The following GRIA4 variants were observed in gnomAD, a reference collection of about 807,000 sequenced individuals.
GRIA4 encodes glutamate ionotropic receptor AMPA type subunit 4.
In GRIA4, 34 loss-of-function variants were observed where a neutral mutation model predicts 104.0. The observed-to-expected ratio is 0.33, with a 90% CI of 0.25 to 0.44. The LOEUF is 0.44. Ranked by LOEUF, GRIA4 falls within the 20% of genes least tolerant of loss-of-function variation. The probability of loss-of-function intolerance (pLI) is 1.00; values close to 1 mark genes in which losing one functional copy is unlikely to be tolerated. For synonymous variants in GRIA4, 386 were observed against 381.9 expected, an observed-to-expected ratio of 1.01 and a Z score of -0.13; for missense variants, 750 against 1,096.5, an observed-to-expected ratio of 0.68 and a Z score of 4.46.
chr11:105,801,790 G>T (rs1942732056), intron 4 of GRIA4, among the ~76,000 whole-genome samples: 2 of 152,216 alleles, frequency 1.3e-5, no homozygotes, highest in South Asian at 2.1e-4. Flanking sequence ...AAATGGAATT[G>T]AGTTCCTTGG....
chr11:105,824,901 G>A (rs533092122), intron 4 of GRIA4: 2 of 152,136 alleles, frequency 1.3e-5, no homozygotes, highest in African/African-American at 4.8e-5. Context: ...ATGCCTCTAG[G>A]GAGCAACGGT....
rs188718322 is a variant in GRIA4, at chr11:105,641,043, C to T, written c.247+28609C>T. Reference sequence around the variant, plus strand: ...CTATGTTTACAATCATGGAACATTGCTCTATAGCTATTAATGAGCACTTAT... The same window carrying T: ...CTATGTTTACAATCATGGAACATTGTTCTATAGCTATTAATGAGCACTTAT... On this transcript the variant is annotated intron_variant, in intron 3 of 16. Coordinates refer to ENST00000282499, the MANE Select transcript of GRIA4 (RefSeq NM_000829.4). Among the ~76,000 whole-genome samples, 253 of 152,068 alleles carry T rather than the reference C, an allele frequency of 1.7e-3. 3 individuals carry two copies. In the Middle Eastern group the frequency reaches 0.055, roughly 33 times the overall value.
At chr11:105,970,731 A>T (rs1433383278) in intron 14 of GRIA4, among the ~76,000 whole-genome samples, 1 of 152,170 alleles carries the variant, frequency 6.6e-6, no homozygotes, top group African/African-American at 2.4e-5. Context: ...GCATTAGGGG[A>T]TACAACCAGG....
At position 105,905,185 on chromosome 11, in the gene GRIA4, T is replaced by A. The variant is rs771778449; in HGVS notation, c.1054-12T>A. On this transcript the variant is annotated splice_polypyrimidine_tract_variant and intron_variant, in intron 8 of 16. Transcript: ENST00000282499. ...TTGCAAGTGAACACGTGTGGTTTTC[T>A]TTTTCACTTAGGTTCGAATTCAAGG... 1 of 1,504,192 alleles carries A rather than the reference T, an allele frequency of 6.6e-7. No individual in the cohort carries two copies. The highest frequency in any genetic ancestry group is 2.3e-5 in the East Asian group (1 of 44,326). 93.2% of individuals were successfully genotyped at this position (1,504,192 alleles called of 1,614,324 possible).
chr11:105,912,619 T>C (rs1947289183), intron 10 of GRIA4: 1 of 584,404 alleles, frequency 1.7e-6, no homozygotes, highest in Non-Finnish European at 2.1e-6. Flanking sequence ...ATTTTTGCTA[T>C]CAAAATAGTA....
intron 4 of GRIA4, among the ~76,000 whole-genome samples, chr11:105,837,183 C>A (rs188798957): frequency 6.6e-6 from 1 of 152,186 alleles, no homozygotes; most frequent in Admixed American, 6.5e-5. Flanking sequence ...AGGGAAACCA[C>A]CCCCATGATC....
chr11:105,947,955 T>C (rs759332785), intron 14 of GRIA4, among the ~76,000 whole-genome samples: 1 of 152,164 alleles, frequency 6.6e-6, no homozygotes, highest in African/African-American at 2.4e-5. Context: ...ATTTACAGAC[T>C]CATGGATTCA....
intron 10 of GRIA4, among the ~76,000 whole-genome samples, chr11:105,914,254 C>T (rs1332123516): frequency 6.6e-6 from 1 of 151,538 alleles, no homozygotes; most frequent in African/African-American, 2.4e-5. Context: ...ATAATAATAT[C>T]TTAATTTTCA....
chr11:105,767,359 T>C (rs1449875616), intron 4 of GRIA4, among the ~76,000 whole-genome samples: 1 of 152,186 alleles, frequency 6.6e-6, no homozygotes, highest in Non-Finnish European at 1.5e-5. Flanking sequence ...ACGTATGTTT[T>C]ATTTTAGCAT....
Position 105,903,946 on chromosome 11 carries a change from G to C in GRIA4, c.1018G>C (p.Gly340Arg). The C allele has an allele frequency of 6.2e-7, 1 of 1,613,064 alleles. No individual in the cohort carries two copies. The highest frequency in any genetic ancestry group is 8.5e-7 in the Non-Finnish European group (1 of 1,179,316). Residue 340 changes from glycine to arginine, a missense_variant, in exon 8 of 17, where the codon GGC (glycine) becomes CGC (arginine). By Grantham distance (125) the Gly-to-Arg change is moderately radical. Coordinates refer to ENST00000282499, the MANE Select transcript of GRIA4 (RefSeq NM_000829.4). ...DCLANPAAPW[G>R]QGIDMERTLK... ...TCTGGCAAATCCTGCTGCTCCATGGGGCCAGGGAATTGACATGGAGAGGAC... is the reference window on the plus strand; with the variant it reads ...TCTGGCAAATCCTGCTGCTCCATGGCGCCAGGGAATTGACATGGAGAGGAC...
In GRIA4 at chr11:105,724,134, C is replaced by T. The variant is rs143871325; in HGVS notation, c.248-28847C>T. 5.0e-3 allele frequency among the ~76,000 whole-genome samples: 766 copies of T among 151,984 alleles called. 5 individuals are homozygous for T. Among genetic ancestry groups the T allele is most frequent in the Middle Eastern group, 0.01 (3 of 294 alleles). On this transcript the variant is annotated intron_variant, in intron 3 of 16. Transcript: ENST00000282499. Reference sequence around the variant, plus strand: ...CCCAAAGAACTAAAACCAGAACTACCGTTCAATCTAGCAATCCCACTACTG... The same window carrying T: ...CCCAAAGAACTAAAACCAGAACTACTGTTCAATCTAGCAATCCCACTACTG...
intron 4 of GRIA4, among the ~76,000 whole-genome samples, chr11:105,799,021 C>T (rs1195609824): frequency 6.6e-6 from 1 of 152,016 alleles, no homozygotes. Context: ...AATGAGAGAA[C>T]AACAAGAGAA....
chr11:105,939,465 G>A (rs566875010), intron 14 of GRIA4, among the ~76,000 whole-genome samples: 3 of 152,218 alleles, frequency 2.0e-5, no homozygotes, highest in South Asian at 2.1e-4. Context: ...ATGAATGCAC[G>A]AAGCTTCCGT....
intron 3 of GRIA4, among the ~76,000 whole-genome samples, chr11:105,737,624 G>A (rs187723554): frequency 4.6e-5 from 7 of 152,188 alleles, no homozygotes; most frequent in Admixed American, 6.5e-5. Context: ...CCAATTTTCC[G>A]TAATCCCTTA....
In GRIA4 at chr11:105,850,279, T is replaced by G. The variant is rs527584639; in HGVS notation, c.488-11745T>G. Among the ~76,000 whole-genome samples the G allele has an allele frequency of 1.2e-3, 186 of 152,336 alleles. 1 individual carries two copies. Among genetic ancestry groups the G allele is most frequent in the Non-Finnish European group, 2.4e-3 (166 of 68,032 alleles). On this transcript the variant is annotated intron_variant, in intron 4 of 16. Coordinates refer to ENST00000282499, the MANE Select transcript of GRIA4 (RefSeq NM_000829.4). ...CATTCATTATAATTCTCAGGCAAAT[T>G]TATTCTAATTAAAATATAAGTACTT...
rs571239736 is a variant in GRIA4, at chr11:105,692,393, A to G, written c.248-60588A>G. Among the ~76,000 whole-genome samples the G allele has an allele frequency of 2.0e-5, 3 of 152,282 alleles. No individual in the cohort carries two copies. In the South Asian group the frequency reaches 6.2e-4, roughly 32 times the overall value. ...ACCAGTGCTATTGGAGATATGTTAT[A>G]TGAACTGGGACATGTTAAATATCAC... is the stretch of plus-strand genomic sequence containing the variant. On this transcript the variant is annotated intron_variant, in intron 3 of 16. Transcript: ENST00000282499.
intron 14 of GRIA4, among the ~76,000 whole-genome samples, chr11:105,942,872 C>A (rs190460015): frequency 1.3e-5 from 2 of 152,196 alleles, no homozygotes; most frequent in East Asian, 1.9e-4. Flanking sequence ...ATTAAAACTG[C>A]TTCCCAAAAA....
At chr11:105,632,387 T>C (rs1951056287) in intron 3 of GRIA4, among the ~76,000 whole-genome samples, 1 of 152,236 alleles carries the variant, frequency 6.6e-6, no homozygotes, top group Non-Finnish European at 1.5e-5. Context: ...ACTGCTTTAA[T>C]GTCTGTCCCC....
At chr11:105,858,132 T>C (rs559393676) in intron 4 of GRIA4, among the ~76,000 whole-genome samples, 96 of 152,278 alleles carry the variant, frequency 6.3e-4, no homozygotes, top group African/African-American at 2.1e-3. Flanking sequence ...TTAGTAACTA[T>C]GAAAAAGCCC....
Sources: allele counts gnomAD v4.1 joint callset (sites outside exome capture counted in the v4.1 genomes callset), GRCh38; gene constraint gnomAD v4.1.1; transcripts MANE v1.5; gene names NCBI Gene and HGNC (gene_info 2026-07-23, HGNC 2026-07-21).